The following FGD5 variants were observed in gnomAD, a reference collection of about 807,000 sequenced individuals.
FGD5 encodes FYVE, RhoGEF and PH domain-containing protein 5.
In FGD5, 28 loss-of-function variants were observed where a neutral mutation model predicts 133.4. The ratio of observed to expected loss-of-function variants is 0.21; its 90% CI spans 0.16 to 0.29. The LOEUF (loss-of-function observed/expected upper bound fraction) is 0.29, where lower values mean the gene tolerates loss of function less well. Among genes scored for constraint, FGD5 ranks in the 10% least tolerant of loss-of-function variants. The pLI is 1.00. For missense variants in FGD5, 1,858 were observed against 1,895.2 expected, an observed-to-expected ratio of 0.98 and a Z score of 0.36; for synonymous variants, 810 against 776.5, an observed-to-expected ratio of 1.04 and a Z score of -0.72.
intron 4 of FGD5, among the ~76,000 whole-genome samples, chr3:14,891,945 C>T (rs1434536153): frequency 6.6e-6 from 1 of 151,580 alleles, no homozygotes; most frequent in Non-Finnish European, 1.5e-5. Flanking sequence ...TTCTCTCTTT[C>T]TCCCTCTCTC....
chr3:14,863,333 G>A (rs1293361863), intron 1 of FGD5, among the ~76,000 whole-genome samples: 1 of 152,160 alleles, frequency 6.6e-6, no homozygotes, highest in Non-Finnish European at 1.5e-5. Flanking sequence ...TGTGTAGAGA[G>A]AAGGGCTGAG....
chr3:14,863,054 G>A (rs572021795), intron 1 of FGD5, among the ~76,000 whole-genome samples: 178 of 152,244 alleles, frequency 1.2e-3, no homozygotes, highest in Non-Finnish European at 2.0e-3. Flanking sequence ...ACTTCCCCCT[G>A]CCTGGGCCAG....
chr3:14,858,074 G>C (rs80112638), intron 1 of FGD5, among the ~76,000 whole-genome samples: 555 of 152,260 alleles, frequency 3.6e-3, no homozygotes, highest in African/African-American at 0.013. Flanking sequence ...AGAGTACAGT[G>C]CAAAGTGCTG....
At chr3:14,903,874 T>C (rs1057413660) in intron 9 of FGD5, among the ~76,000 whole-genome samples, 1 of 152,176 alleles carries the variant, frequency 6.6e-6, no homozygotes, top group African/African-American at 2.4e-5. Flanking sequence ...TCCTGTTTCC[T>C]TAGGCTCCCC....
intron 4 of FGD5, among the ~76,000 whole-genome samples, chr3:14,892,040 C>CT (rs1221248525): frequency 6.6e-6 from 1 of 151,916 alleles, no homozygotes; most frequent in Non-Finnish European, 1.5e-5. Flanking sequence ...TCCCTGTCCT[C>CT]TTTTCTACCC....
At chr3:14,843,895 A>ATGT (rs1387566629) in intron 1 of FGD5, among the ~76,000 whole-genome samples, 7 of 151,440 alleles carry the variant, frequency 4.6e-5, no homozygotes. Context: ...GGTTTTCGCC[A>ATGT]TGTTGGCCAG....
chr3:14,877,683 G>A (rs1227636013), intron 2 of FGD5, among the ~76,000 whole-genome samples: 5 of 152,088 alleles, frequency 3.3e-5, no homozygotes, highest in African/African-American at 1.2e-4. Context: ...TCCGGAGTGA[G>A]GAAGCCTGAG....
chr3:14,933,398 C>T lies in FGD5; in HGVS notation c.*231C>T, dbSNP rs2038931851. The stretch of plus-strand genomic sequence containing the variant: ...CCTTTTCTGTGTTTTCCACCCCTAC[C>T]CCCACCCGCCACCCAGTAATAAACT... On this transcript the variant is annotated 3_prime_UTR_variant, in exon 20 of 20. Transcript: ENST00000285046. The T allele has an allele frequency of 1.8e-6, 1 of 555,556 alleles. No individual in the cohort carries two copies. The highest frequency in any genetic ancestry group is 3.2e-6 in the Non-Finnish European group (1 of 309,932). 34.4% of individuals were successfully genotyped at this position (555,556 alleles called of 1,614,324 possible). A position where few individuals can be genotyped will look rare whatever the true frequency, so the allele number is the denominator to read the frequency against.
chr3:14,912,512 A>C (rs76056414), intron 11 of FGD5, among the ~76,000 whole-genome samples: 4,592 of 152,316 alleles, frequency 0.03, 243 homozygotes, highest in East Asian at 0.22. Flanking sequence ...AAGCCCCCAC[A>C]GATGCCTGAG....
At chr3:14,923,418 G>A (rs755731084) in intron 16 of FGD5, 3 of 545,300 alleles carry the variant, frequency 5.5e-6, no homozygotes, top group Non-Finnish European at 9.7e-6. Context: ...ATCAGTGTGT[G>A]TGTAAGGGGA....
chr3:14,844,999 A>G (rs1260140804), intron 1 of FGD5, among the ~76,000 whole-genome samples: 1 of 152,110 alleles, frequency 6.6e-6, no homozygotes, highest in Non-Finnish European at 1.5e-5. Flanking sequence ...AGTAGCAGGG[A>G]AAGGTGGCCA....
chr3:14,869,049 CT>C (rs1302869475), intron 2 of FGD5, among the ~76,000 whole-genome samples: 3 of 152,284 alleles, frequency 2.0e-5, no homozygotes, highest in African/African-American at 7.2e-5. Context: ...AATCCCAGCA[CT>C]TTGGGAGGCT....
At chr3:14,904,743 T>C (rs997080978) in intron 9 of FGD5, among the ~76,000 whole-genome samples, 2 of 152,246 alleles carry the variant, frequency 1.3e-5, no homozygotes, top group East Asian at 1.9e-4. Context: ...CAAAGAAATA[T>C]ATGTGTATAC....
At chr3:14,848,992 C>A (rs2037107410) in intron 1 of FGD5, among the ~76,000 whole-genome samples, 1 of 152,226 alleles carries the variant, frequency 6.6e-6, no homozygotes, top group Non-Finnish European at 1.5e-5. Context: ...CAAAGGGTGG[C>A]ATCCTCTGAA....
At chr3:14,901,799 A>G (rs2038244848) in intron 9 of FGD5, among the ~76,000 whole-genome samples, 1 of 152,192 alleles carries the variant, frequency 6.6e-6, no homozygotes, top group Non-Finnish European at 1.5e-5. Flanking sequence ...GGGAAATTGC[A>G]TTTATTGGAC....
intron 17 of FGD5, among the ~76,000 whole-genome samples, 166 bp from the exon 18 acceptor site, chr3:14,925,904 C>T (rs1160074740): frequency 6.6e-6 from 1 of 152,234 alleles, no homozygotes; most frequent in Non-Finnish European, 1.5e-5. Context: ...AAGCATGAAG[C>T]ACTATCTTGC....
intron 1 of FGD5, among the ~76,000 whole-genome samples, chr3:14,836,596 G>A: frequency 6.6e-6 from 1 of 152,166 alleles, no homozygotes; most frequent in East Asian, 1.9e-4. Flanking sequence ...CCTTGAGGGT[G>A]GGAGGTTCAG....
upstream of FGD5, among the ~76,000 whole-genome samples, chr3:14,818,610 C>T (rs1327572186): frequency 6.6e-6 from 1 of 152,134 alleles, no homozygotes; most frequent in Non-Finnish European, 1.5e-5. Context: ...CCCATGGTTG[C>T]TGGGTCATAG....
chr3:14,899,493 G>C (rs893694578), intron 7 of FGD5, among the ~76,000 whole-genome samples: 1 of 152,200 alleles, frequency 6.6e-6, no homozygotes, highest in Non-Finnish European at 1.5e-5. Flanking sequence ...CCTAATGAGA[G>C]AGACAGACAG....
Sources: gnomAD v4.1 joint callset for allele counts (sites outside exome capture counted in the v4.1 genomes callset) on GRCh38, gnomAD v4.1.1 for gene constraint, MANE v1.5 for transcripts, NCBI Gene and HGNC (gene_info 2026-07-23, HGNC 2026-07-21) for gene names.